The following GTF2IRD2 variants were observed in gnomAD, a reference collection of about 807,000 sequenced individuals.
GTF2IRD2 encodes GTF2I repeat domain containing 2.
A neutral mutation model predicts 49.2 loss-of-function variants in GTF2IRD2; 8 were observed. That is an observed-to-expected ratio of 0.16 (90% confidence interval 0.10 to 0.29). GTF2IRD2 has a LOEUF of 0.29. GTF2IRD2 is among the 10% of genes least tolerant of loss of function. GTF2IRD2 has a pLI of 1.00. For synonymous variants in GTF2IRD2, 47 were observed against 289.7 expected, an observed-to-expected ratio of 0.16 and a Z score of 8.51; for missense variants, 130 against 725.7, an observed-to-expected ratio of 0.18 and a Z score of 9.43.
At chr7:74,826,701 T>C (rs1255014333) in intron 3 of GTF2IRD2, among the ~76,000 whole-genome samples, 5 of 12,780 alleles carry the variant, frequency 3.9e-4, no homozygotes, top group Admixed American at 8.2e-4. Flanking sequence ...ATTTCATTCT[T>C]TTTTTTTTTT....
intron 4 of GTF2IRD2, among the ~76,000 whole-genome samples, chr7:74,824,217 T>C: frequency 8.3e-6 from 1 of 120,926 alleles, no homozygotes; most frequent in South Asian, 2.9e-4. Context: ...ACCTGTAATC[T>C]CAGCATTTTG....
At chr7:74,815,249 G>A (rs1273292418) in intron 8 of GTF2IRD2, among the ~76,000 whole-genome samples, 1 of 82,398 alleles carries the variant, frequency 1.2e-5, no homozygotes, top group Non-Finnish European at 3.0e-5. Context: ...TCAGGAGTTC[G>A]AGACTAGCCT....
At chr7:74,827,059 C>T (rs1430168378) in intron 3 of GTF2IRD2, among the ~76,000 whole-genome samples, 1 of 151,112 alleles carries the variant, frequency 6.6e-6, no homozygotes, top group Non-Finnish European at 1.5e-5. Flanking sequence ...GTACGTACCA[C>T]ATTTTCTTTG....
chr7:74,811,125 C>A (rs1328097049), intron 9 of GTF2IRD2, among the ~76,000 whole-genome samples, 173 bp from the exon 10 acceptor site: 2 of 104,112 alleles, frequency 1.9e-5, no homozygotes, highest in African/African-American at 5.3e-5. Context: ...TCTCAGCACT[C>A]TGGGAGGTGG....
chr7:74,831,467 C>A (rs1292899070), intron 3 of GTF2IRD2, among the ~76,000 whole-genome samples: 4 of 148,654 alleles, frequency 2.7e-5, no homozygotes, highest in African/African-American at 9.9e-5. Context: ...ACTTTATATA[C>A]CCTCTGCCAA....
intron 15 of GTF2IRD2, chr7:74,798,945 G>C (rs1797256171): frequency 6.4e-6 from 1 of 155,452 alleles, no homozygotes; most frequent in Non-Finnish European, 1.4e-5. Context: ...CCAGTTGCTG[G>C]GACTACAGGC....
chr7:74,826,699 C>CTTTT (rs1175596623), intron 3 of GTF2IRD2, among the ~76,000 whole-genome samples: 80 of 16,602 alleles, frequency 4.8e-3, no homozygotes, highest in Non-Finnish European at 6.0e-3. Flanking sequence ...TCATTTCATT[C>CTTTT]TTTTTTTTTT....
Position 74,844,359 on chromosome 7 carries a change from T to G in GTF2IRD2, c.-6+7008A>C, listed in dbSNP as rs1234978187. ...ACTAGACTAGATGAGGATTATGTTT[T>G]TTTTATTTATTTATTTATTTATTTA... On this transcript the variant is annotated intron_variant, in intron 1 of 15. Coordinates refer to ENST00000451013, the MANE Select transcript of GTF2IRD2 (RefSeq NM_173537.5). 5.5e-4 allele frequency among the ~76,000 whole-genome samples: 7 copies of G among 12,830 alleles called. 1 individual carries two copies. The highest frequency in any genetic ancestry group is 1.3e-3 in the African/African-American group (3 of 2,378). The allele number at this position is 12,830 out of a possible 152,430, so 8.4% of individuals were successfully genotyped here.
intron 8 of GTF2IRD2, among the ~76,000 whole-genome samples, chr7:74,813,966 G>A (rs1798346209): frequency 1.3e-5 from 1 of 79,804 alleles, no homozygotes; most frequent in African/African-American, 2.9e-5. Flanking sequence ...GGTGCGGTTG[G>A]CTGCAAAAAT....
chr7:74,836,805 A>G (rs1423586086), intron 1 of GTF2IRD2, among the ~76,000 whole-genome samples: 374 of 151,044 alleles, frequency 2.5e-3, no homozygotes, highest in African/African-American at 8.9e-3. Context: ...AGCTCAAGCA[A>G]TCTGCCTTCC....
chr7:74,819,218 C>CT lies in GTF2IRD2; in HGVS notation c.670+335_670+336insA, dbSNP rs587766176. On this transcript the variant is annotated intron_variant, in intron 8 of 15. Coordinates refer to ENST00000451013, the MANE Select transcript of GTF2IRD2 (RefSeq NM_173537.5). ...GGGATTACAAGCGTGATCCACCGTGCGCAGCCTTGTTTGTTTTTTTGAGAC... is the reference window on the plus strand; with the variant it reads ...GGGATTACAAGCGTGATCCACCGTGCTGCAGCCTTGTTTGTTTTTTTGAGAC... The CT allele has an allele frequency of 1.0e-3, 333 of 334,056 alleles. 6 individuals carry two copies. Among genetic ancestry groups the CT allele is most frequent in the African/African-American group, 6.2e-3 (279 of 44,694 alleles). 20.7% of individuals were successfully genotyped at this position (334,056 alleles called of 1,614,324 possible).
intron 3 of GTF2IRD2, among the ~76,000 whole-genome samples, chr7:74,827,058 A>C (rs1171079042): frequency 6.6e-6 from 1 of 150,840 alleles, no homozygotes; most frequent in Non-Finnish European, 1.5e-5. Context: ...TGTACGTACC[A>C]CATTTTCTTT....
intron 1 of GTF2IRD2, among the ~76,000 whole-genome samples, chr7:74,836,875 CTCTT>C (rs1382520303): frequency 1.4e-3 from 196 of 141,196 alleles, no homozygotes; most frequent in African/African-American, 4.9e-3. Context: ...CCTGCTAACT[CTCTT>C]TCTTTCTTTC....
At chr7:74,836,752 G>A (rs1800378258) in intron 1 of GTF2IRD2, among the ~76,000 whole-genome samples, 2 of 152,020 alleles carry the variant, frequency 1.3e-5, no homozygotes, top group Non-Finnish European at 2.9e-5. Context: ...TTTTTGTAAA[G>A]ACGGGGTTTT....
At chr7:74,815,912 T>C (rs1470925934) in intron 8 of GTF2IRD2, among the ~76,000 whole-genome samples, 3 of 69,708 alleles carry the variant, frequency 4.3e-5, no homozygotes, top group Non-Finnish European at 8.3e-5. Flanking sequence ...TTGTAGCAAA[T>C]GCTACACACA....
intron 3 of GTF2IRD2, among the ~76,000 whole-genome samples, chr7:74,829,889 A>AAAAAACAAAAAAAC (rs1448791079): frequency 1.5e-5 from 1 of 67,768 alleles, no homozygotes; most frequent in African/African-American, 4.0e-5. Context: ...TTCTGTCTCA[A>AAAAAACAAAAAAAC]AAAAAAAAAA....
chr7:74,813,810 C>T (rs1246783164), intron 8 of GTF2IRD2, among the ~76,000 whole-genome samples: 1 of 137,544 alleles, frequency 7.3e-6, no homozygotes, highest in African/African-American at 2.5e-5. Context: ...ACCCACCCAC[C>T]TTGGTCTCTC....
chr7:74,815,797 G>GGAAAGAAAGAAAGAAA (rs1189790776), intron 8 of GTF2IRD2, among the ~76,000 whole-genome samples: 8 of 45,858 alleles, frequency 1.7e-4, no homozygotes, highest in Admixed American at 2.5e-4. Flanking sequence ...AAAGAAAGAA[G>GGAAAGAAAGAAAGAAA]GAAAGAAAGA....
rs1796938048 is a variant in GTF2IRD2 at position 74,796,216 on chromosome 7, G to A, written c.*446C>T. ...TAATATAAACAAGTATGATACTGCA[G>A]ATTATATTTCTGATTCAAAGTGGAA... On this transcript the variant is annotated 3_prime_UTR_variant, in exon 16 of 16. Coordinates refer to ENST00000451013, the MANE Select transcript of GTF2IRD2 (RefSeq NM_173537.5). The A allele has an allele frequency of 4.2e-6, 1 of 237,370 alleles. No homozygotes were observed. The highest frequency in any genetic ancestry group is 2.4e-5 in the African/African-American group (1 of 41,604). 14.7% of individuals were successfully genotyped at this position (237,370 alleles called of 1,614,324 possible).
Sources: gnomAD v4.1 joint callset for allele counts (sites outside exome capture counted in the v4.1 genomes callset) on GRCh38, gnomAD v4.1.1 for gene constraint, MANE v1.5 for transcripts, NCBI Gene and HGNC (gene_info 2026-07-23, HGNC 2026-07-21) for gene names.